Variants in STARD9 observed in about 807,000 individuals in gnomAD.
The protein encoded by STARD9 is stAR-related lipid transfer protein 9.
STARD9 carries 346 observed loss-of-function variants against 399.8 expected under a neutral mutation model. The observed-to-expected ratio is 0.87, with a 90% confidence interval of 0.79 to 0.95. The LOEUF (loss-of-function observed/expected upper bound fraction) is 0.95, where lower values mean the gene tolerates loss of function less well. Ranked by LOEUF, STARD9 falls within the 40% of genes least tolerant of loss-of-function variation. STARD9 has a pLI of 0.00. For missense variants in STARD9, 5,832 were observed against 5,667.5 expected, an observed-to-expected ratio of 1.03 and a Z score of -0.93; for synonymous variants, 2,203 against 2,143.5, an observed-to-expected ratio of 1.03 and a Z score of -0.77.
chr15:42,708,152 C>CA (rs112504145), intron 26 of STARD9, among the ~76,000 whole-genome samples: 83 of 144,738 alleles, frequency 5.7e-4, no homozygotes, highest in South Asian at 1.5e-3. Context: ...GACCCTGTTT[C>CA]AAAAAAAAAA....
At chr15:42,577,039 C>T (rs1440613983) in intron 1 of STARD9, among the ~76,000 whole-genome samples, 1 of 152,112 alleles carries the variant, frequency 6.6e-6, no homozygotes, top group Non-Finnish European at 1.5e-5. Context: ...TGGAGGTAGT[C>T]TCTGGTATAT....
At chr15:42,649,652 T>C (rs1045730268) in intron 7 of STARD9, among the ~76,000 whole-genome samples, 59 of 151,664 alleles carry the variant, frequency 3.9e-4, no homozygotes, top group African/African-American at 1.4e-3. Flanking sequence ...CTCTGCCTCC[T>C]AGGTCCAAGT....
At chr15:42,589,059 C>T (rs2141686950) in intron 3 of STARD9, among the ~76,000 whole-genome samples, 1 of 152,164 alleles carries the variant, frequency 6.6e-6, no homozygotes, top group African/African-American at 2.4e-5. Flanking sequence ...AAGTAATCCA[C>T]CTGCCTTGGC....
At position 42,578,100 on chromosome 15, in the gene STARD9, C is replaced by T. The variant is rs1356487059; in HGVS notation, c.47+2338C>T. ...ATTTATTCAGTAGGACTAGAGTTGA[C>T]GCTCAATTTTTTTTTTTTTTTTCTT... On this transcript the variant is annotated intron_variant, in intron 1 of 32. Coordinates refer to ENST00000290607, the MANE Select transcript of STARD9 (RefSeq NM_020759.3). Among the ~76,000 whole-genome samples, 9 of 123,912 alleles carry T rather than the reference C, an allele frequency of 7.3e-5. No homozygotes were observed. In the South Asian group the frequency reaches 1.4e-3, roughly 19 times the overall value. 81.3% of individuals were successfully genotyped at this position (123,912 alleles called of 152,430 possible).
chr15:42,603,671 G>A (rs1202514751), intron 3 of STARD9, among the ~76,000 whole-genome samples: 1 of 152,076 alleles, frequency 6.6e-6, no homozygotes, highest in Non-Finnish European at 1.5e-5. Context: ...CAGGCAGGGG[G>A]CTAGGGAATG....
At chr15:42,619,847 C>T (rs1207071471) in intron 3 of STARD9, among the ~76,000 whole-genome samples, 2 of 152,162 alleles carry the variant, frequency 1.3e-5, no homozygotes, top group African/African-American at 2.4e-5. Context: ...TGCTTTTGTT[C>T]CCACTCATTC....
At chr15:42,619,354 T>G (rs1419757113) in intron 3 of STARD9, among the ~76,000 whole-genome samples, 1 of 151,994 alleles carries the variant, frequency 6.6e-6, no homozygotes, top group South Asian at 2.1e-4. Context: ...TGTAACCTTT[T>G]AAGACGGGAT....
chr15:42,651,357 T>A (rs2059758928), intron 8 of STARD9, among the ~76,000 whole-genome samples: 1 of 152,244 alleles, frequency 6.6e-6, no homozygotes, highest in South Asian at 2.1e-4. Context: ...ATATTTTGTT[T>A]AGAGCTTCTA....
chr15:42,580,651 T>TA (rs1374814822), intron 1 of STARD9, among the ~76,000 whole-genome samples: 2 of 152,002 alleles, frequency 1.3e-5, no homozygotes, highest in African/African-American at 4.8e-5. Flanking sequence ...CCGTCTCAGC[T>TA]AAAAAATACA....
At chr15:42,666,507 G>A (rs904618842) in intron 15 of STARD9, among the ~76,000 whole-genome samples, 8 of 152,194 alleles carry the variant, frequency 5.3e-5, no homozygotes, top group Non-Finnish European at 1.0e-4. Flanking sequence ...AGCACACACC[G>A]TGAGGAAGAC....
At chr15:42,680,745 A>C (rs551484004) in intron 20 of STARD9, among the ~76,000 whole-genome samples, 4 of 152,162 alleles carry the variant, frequency 2.6e-5, no homozygotes, top group Non-Finnish European at 5.9e-5. Flanking sequence ...ATCTAGACAA[A>C]TTCTTGACAT....
chr15:42,575,879 G>C, intron 1 of STARD9, 117 bp downstream of exon 1: 2 of 1,153,460 alleles, frequency 1.7e-6, no homozygotes, highest in South Asian at 1.3e-5. Context: ...AGTGACCCGG[G>C]GGGTCGGGGT....
intron 28 of STARD9, 145 bp downstream of exon 28, chr15:42,717,193 G>C: frequency 1.1e-6 from 1 of 915,622 alleles, no homozygotes; most frequent in Non-Finnish European, 1.6e-6. Flanking sequence ...CTTGAGAAAA[G>C]GGGAATTCGG....
At chr15:42,609,234 G>C (rs1444393215) in intron 3 of STARD9, among the ~76,000 whole-genome samples, 1 of 152,118 alleles carries the variant, frequency 6.6e-6, no homozygotes, top group Non-Finnish European at 1.5e-5. Flanking sequence ...ATGTCATTCT[G>C]CCCAAATAAG....
chr15:42,633,165 G>C (rs1476524285), intron 3 of STARD9, among the ~76,000 whole-genome samples: 3 of 151,692 alleles, frequency 2.0e-5, no homozygotes, highest in Non-Finnish European at 4.4e-5. Flanking sequence ...AAAAAGAACA[G>C]GGAGTGTAGT....
rs759556491 is a variant in STARD9 at position 42,689,600 on chromosome 15, C to A, written c.8022C>A (p.Asp2674Glu). ...TCTCCCATGCTGCTCCTGCTCAAGA[C>A]AGGAAACGTCGTACTGGAGAACTGA... Reference protein sequence around the residue: ...QAFSHAAPAQDRKRRTGELRQ... With the variant: ...QAFSHAAPAQERKRRTGELRQ... Residue 2674 changes from aspartate (D) to glutamate (E), a missense_variant, in exon 23 of 33, where the codon GAC becomes GAA. Around this residue, in one of 2 missense-constraint regions of STARD9, gnomAD observed 5,828 missense variants for 5,651.1 expected, o/e 1.03. Transcript: ENST00000290607. 3.3e-6 allele frequency: 5 copies of A among 1,537,278 alleles called. No homozygotes were observed. In the South Asian group the frequency reaches 5.9e-5, roughly 18 times the overall value.
In STARD9 at chr15:42,643,425, A is replaced by T. The variant is rs916730314; in HGVS notation, c.559+4613A>T. ...TGGTCAGGCTGGTCTCGAACTCCTG[A>T]CCTCAGGTGATCCACCTGCCTTGGC... On this transcript the variant is annotated intron_variant, in intron 7 of 32. Coordinates refer to ENST00000290607, the MANE Select transcript of STARD9 (RefSeq NM_020759.3). Among the ~76,000 whole-genome samples, 6 of 151,896 alleles carry T rather than the reference A, an allele frequency of 4.0e-5. No homozygotes were observed. In the East Asian group the frequency reaches 1.2e-3, roughly 29 times the overall value.
At chr15:42,712,405 A>G in intron 26 of STARD9, among the ~76,000 whole-genome samples, 1 of 151,654 alleles carries the variant, frequency 6.6e-6, no homozygotes. Flanking sequence ...CCAGGATCAC[A>G]AAGATTATGC....
At chr15:42,615,683 G>A (rs2058948746) in intron 3 of STARD9, among the ~76,000 whole-genome samples, 1 of 151,260 alleles carries the variant, frequency 6.6e-6, no homozygotes, top group African/African-American at 2.4e-5. Flanking sequence ...ATTAACATAG[G>A]AGGAAAGAGA....
Sources: allele counts gnomAD v4.1 joint callset (sites outside exome capture counted in the v4.1 genomes callset), GRCh38; gene constraint gnomAD v4.1.1; regional missense constraint gnomAD v4.1.1; transcripts MANE v1.5; gene names NCBI Gene and HGNC (gene_info 2026-07-23, HGNC 2026-07-21).